The following TLL1 variants were observed in gnomAD, a reference collection of about 807,000 sequenced individuals.
The protein encoded by TLL1 is tolloid like 1, also known as tolloid-like protein 1.
Under a neutral mutation model 128.2 loss-of-function variants are expected in TLL1, and 49 were observed. The observed-to-expected ratio is 0.38, with a 90% CI of 0.30 to 0.48. TLL1 has a LOEUF of 0.48. TLL1 is among the 20% of genes least tolerant of loss of function. The probability of loss-of-function intolerance (pLI) is 0.96; values close to 1 mark genes in which losing one functional copy is unlikely to be tolerated. For synonymous variants in TLL1, 454 were observed against 418.8 expected, an observed-to-expected ratio of 1.08 and a Z score of -1.03; for missense variants, 1,123 against 1,242.0, an observed-to-expected ratio of 0.90 and a Z score of 1.44.
intron 1 of TLL1, among the ~76,000 whole-genome samples, chr4:165,928,523 C>T (rs1185387540): frequency 6.6e-6 from 1 of 152,132 alleles, no homozygotes; most frequent in Non-Finnish European, 1.5e-5. Context: ...AAAGGAACAG[C>T]AAAAGCTAAA....
intron 1 of TLL1, among the ~76,000 whole-genome samples, chr4:165,970,654 T>C (rs1336959004): frequency 6.6e-6 from 1 of 152,130 alleles, no homozygotes; most frequent in Non-Finnish European, 1.5e-5. Context: ...CCGCATACTC[T>C]AAAATAAATA....
Position 166,057,293 on chromosome 4 carries a change from C to G in TLL1, c.1830C>G (p.Asp610Glu), listed in dbSNP as rs114431981. ...ACEPGYELGP[D>E]RRSCEAACGG... ...AGCCTGGCTATGAGCTGGGCCCAGA[C>G]AGAAGGAGCTGTGAAGGTATGACTG... is the stretch of plus-strand genomic sequence containing the variant. Residue 610 changes from aspartate to glutamate, a missense_variant, in exon 14 of 21, where the codon GAC becomes GAG. This residue lies in a region of TLL1 where 634 missense variants were observed against 672.4 expected (regional missense o/e 0.94). Coordinates refer to ENST00000061240, the MANE Select transcript of TLL1 (RefSeq NM_012464.5). The G allele has an allele frequency of 1.2e-6, 2 of 1,613,842 alleles. No homozygotes were observed. The highest frequency in any genetic ancestry group is 2.2e-5 in the East Asian group (1 of 44,808).
intron 7 of TLL1, among the ~76,000 whole-genome samples, chr4:166,013,270 C>T (rs957550965): frequency 6.6e-6 from 1 of 151,788 alleles, no homozygotes; most frequent in Non-Finnish European, 1.5e-5. Flanking sequence ...GATTATTAAT[C>T]ATTTGTTTAA....
intron 1 of TLL1, among the ~76,000 whole-genome samples, chr4:165,941,666 A>G (rs1734014710): frequency 6.6e-6 from 1 of 152,170 alleles, no homozygotes; most frequent in South Asian, 2.1e-4. Context: ...TCATTTGAAA[A>G]GAAACTTAAA....
Position 166,100,724 on chromosome 4 carries a change from GTTT to G in TLL1, c.2908-15_2908-13del. The G allele has an allele frequency of 6.2e-7, 1 of 1,612,412 alleles. No individual in the cohort carries two copies. Among genetic ancestry groups the G allele is most frequent in the Admixed American group, 1.7e-5 (1 of 59,916 alleles). ...TTTATTGCTTGTTTACTTGCTTGTT[GTTT>G]TTGTTTTCCTTCAGCCACCAGAAGA... On this transcript the variant is annotated splice_polypyrimidine_tract_variant and intron_variant, in intron 20 of 20. Transcript: ENST00000061240.
chr4:165,875,098 G>A (rs1021552389), intron 1 of TLL1: 1 of 152,542 alleles, frequency 6.6e-6, no homozygotes, highest in Non-Finnish European at 1.5e-5. Flanking sequence ...ACCTAGCAGA[G>A]CGGTTTGTAA....
intron 15 of TLL1, among the ~76,000 whole-genome samples, chr4:166,062,020 A>T (rs1188309681): frequency 1.3e-5 from 2 of 152,030 alleles, no homozygotes; most frequent in African/African-American, 2.4e-5. Context: ...CAAAGATCAG[A>T]TGGTTGTAGA....
At chr4:165,958,533 C>G (rs1355430598) in intron 1 of TLL1, among the ~76,000 whole-genome samples, 1 of 147,724 alleles carries the variant, frequency 6.8e-6, no homozygotes, top group Non-Finnish European at 1.5e-5. Flanking sequence ...CTGTTCATAT[C>G]CTTTGCCCAC....
In TLL1 at chr4:165,873,876, G is replaced by T; in HGVS notation, c.-29G>T. ...CGCGGCTGCCTAACCTCTGGGTCCC[G>T]TCCCCTCCTTTTCCTCCGGGGGAGG... On this transcript the variant is annotated 5_prime_UTR_variant, in exon 1 of 21. Coordinates refer to ENST00000061240, the MANE Select transcript of TLL1 (RefSeq NM_012464.5). 1 of 1,612,538 alleles carries T rather than the reference G, an allele frequency of 6.2e-7. No individual in the cohort carries two copies. Among genetic ancestry groups the T allele is most frequent in the Non-Finnish European group, 8.5e-7 (1 of 1,179,782 alleles).
chr4:165,996,009 A>G (rs967090935), intron 5 of TLL1, among the ~76,000 whole-genome samples: 4 of 151,962 alleles, frequency 2.6e-5, no homozygotes, highest in African/African-American at 9.7e-5. Flanking sequence ...TATCCTGCCA[A>G]ACTGTTTTTC....
intron 8 of TLL1, among the ~76,000 whole-genome samples, chr4:166,021,237 A>T: frequency 6.6e-6 from 1 of 151,776 alleles, no homozygotes; most frequent in East Asian, 1.9e-4. Flanking sequence ...AAAAAAATGC[A>T]TTTAGCTATT....
At position 166,039,389 on chromosome 4, in the gene TLL1, G is replaced by C. The variant is rs1442280928; in HGVS notation, c.1209G>C (p.Trp403Cys). The change falls in exon 10 of 21, where the codon TGG becomes TGC. Residue 403 changes from tryptophan to cysteine, a missense_variant. Trp to Cys is a radical substitution (Grantham distance 215). This residue lies in a region of TLL1 where 480 missense variants were observed against 542.4 expected (regional missense o/e 0.89). Coordinates refer to ENST00000061240, the MANE Select transcript of TLL1 (RefSeq NM_012464.5). The part of the protein sequence containing the change: ...TMDLYKSSLC[W>C]YDYIEVRDGY... ...ATCTATACAAGAGTAGTTTGTGCTG[G>C]TATGACTATATTGAAGTAAGAGACG... 3.7e-6 allele frequency: 6 copies of C among 1,613,280 alleles called. No homozygotes were observed. The South Asian group carries it at 4.4e-5, about 12-fold the overall frequency.
intron 13 of TLL1, 128 bp from the exon 14 acceptor site, chr4:166,057,056 C>A: frequency 9.6e-7 from 1 of 1,046,186 alleles, no homozygotes; most frequent in Admixed American, 1.7e-5. Context: ...AGGTCCCTCT[C>A]ATGACACGTG....
chr4:165,947,048 A>G (rs934955111), intron 1 of TLL1, among the ~76,000 whole-genome samples: 2 of 152,140 alleles, frequency 1.3e-5, no homozygotes, highest in African/African-American at 4.8e-5. Context: ...GCAAGATGTC[A>G]CAGACTGGGT....
chr4:165,966,196 A>G (rs540995908), intron 1 of TLL1, among the ~76,000 whole-genome samples: 1,487 of 145,820 alleles, frequency 0.01, 22 homozygotes, highest in African/African-American at 0.034. Context: ...AAAAAAAAAA[A>G]GAAGGATTAG....
At chr4:165,985,004 C>G (rs1736336702) in intron 1 of TLL1, among the ~76,000 whole-genome samples, 1 of 151,958 alleles carries the variant, frequency 6.6e-6, no homozygotes, top group South Asian at 2.1e-4. Context: ...ACAACTTATA[C>G]TCCAATTCAC....
intron 4 of TLL1, among the ~76,000 whole-genome samples, chr4:165,994,798 T>G (rs959119502): frequency 1.3e-5 from 2 of 151,636 alleles, no homozygotes; most frequent in Non-Finnish European, 3.0e-5. Context: ...CTGATCTCTT[T>G]CAACTGACAG....
At chr4:166,060,215 T>A (rs201445461) in intron 15 of TLL1, 27 bp downstream of exon 15, 5 of 1,611,800 alleles carry the variant, frequency 3.1e-6, no homozygotes, top group Admixed American at 3.3e-5. Context: ...TGTAATTTTT[T>A]AAATCATGTT....
At chr4:166,080,967 C>T (rs978314679) in intron 18 of TLL1, among the ~76,000 whole-genome samples, 4 of 152,018 alleles carry the variant, frequency 2.6e-5, no homozygotes, top group African/African-American at 9.6e-5. Flanking sequence ...GTGGTGAAGG[C>T]GAGGGGTTCT....
Sources: gnomAD v4.1 joint callset for allele counts (sites outside exome capture counted in the v4.1 genomes callset) on GRCh38, gnomAD v4.1.1 for gene constraint, gnomAD v4.1.1 regional missense constraint, MANE v1.5 for transcripts, NCBI Gene and HGNC (gene_info 2026-07-23, HGNC 2026-07-21) for gene names.